Variants in SVOP observed in about 807,000 individuals in gnomAD.
The protein encoded by SVOP is SV2 related protein.
SVOP carries 17 observed loss-of-function variants against 69.1 expected under a neutral mutation model. That is an observed-to-expected ratio of 0.25 (90% CI 0.17 to 0.37). SVOP has a LOEUF of 0.37. Among genes scored for constraint, SVOP ranks in the 10% least tolerant of loss-of-function variants. SVOP has a pLI of 1.00. For missense variants in SVOP, 435 were observed against 597.5 expected (o/e 0.73, Z 2.84); for synonymous variants, 238 against 238.6 (o/e 1.00, Z 0.02).
At chr12:109,006,541 G>C (rs1023335457) in intron 1 of SVOP, among the ~76,000 whole-genome samples, 3 of 152,172 alleles carry the variant, frequency 2.0e-5, no homozygotes, top group Non-Finnish European at 2.9e-5. Context: ...GGTATAGGGG[G>C]AGAACGTGAC....
In SVOP at chr12:108,972,444, C is replaced by A. The variant is rs993025752; in HGVS notation, c.414G>T (p.Thr138=). 1 of 1,537,140 alleles carries A rather than the reference C, an allele frequency of 6.5e-7. No homozygotes were observed. Among genetic ancestry groups the A allele is most frequent in the East Asian group, 2.4e-5 (1 of 40,908 alleles). ...ACTGGTCTGAGATATTTCCCCAGAG[C>A]GTGGAGCTGGACATCATGCCTACAA... The part of the protein sequence containing the change: ...VVFVGMMSSS[T]LWGNISDQYG... Residue 138 remains threonine (T), a synonymous_variant, in exon 5 of 16, where the codon ACG becomes ACT. Coordinates refer to ENST00000610966, the MANE Select transcript of SVOP (RefSeq NM_018711.5).
chr12:108,932,032 A>G (rs1343445488), intron 11 of SVOP, among the ~76,000 whole-genome samples: 1 of 151,874 alleles, frequency 6.6e-6, no homozygotes, highest in Non-Finnish European at 1.5e-5. Flanking sequence ...TTTTTTTTAC[A>G]CACACAGAGT....
At chr12:109,000,113 A>T (rs1318096727) in intron 1 of SVOP, among the ~76,000 whole-genome samples, 1 of 152,224 alleles carries the variant, frequency 6.6e-6, no homozygotes, top group Non-Finnish European at 1.5e-5. Context: ...ACACAATAAA[A>T]AATGATAAAG....
At chr12:108,916,079 G>A (rs959867454) in intron 14 of SVOP, among the ~76,000 whole-genome samples, 3 of 152,168 alleles carry the variant, frequency 2.0e-5, no homozygotes, top group Admixed American at 6.5e-5. Flanking sequence ...CTGAGCTGCG[G>A]GTGGGAACCC....
chr12:109,006,061 G>A lies in SVOP; in HGVS notation c.35+14773C>T, dbSNP rs143761746. ...AAAGTGGGTTGTTTTGTTTTGTTTTGTTTTGTTTGAGAAAGAGTCTCACTC... is the reference window on the plus strand; with the variant it reads ...AAAGTGGGTTGTTTTGTTTTGTTTTATTTTGTTTGAGAAAGAGTCTCACTC... On this transcript the variant is annotated intron_variant, in intron 1 of 15. Transcript: ENST00000610966. Among the ~76,000 whole-genome samples, 74 of 152,166 alleles carry A rather than the reference G, an allele frequency of 4.9e-4. 3 individuals are homozygous for A. In the East Asian group the frequency reaches 8.9e-3, roughly 18 times the overall value.
chr12:108,931,832 C>CA (rs34806582), intron 11 of SVOP, among the ~76,000 whole-genome samples: 1,391 of 126,472 alleles, frequency 0.011, 9 homozygotes, highest in African/African-American at 0.023. Context: ...GACTCCGTCT[C>CA]AAAAAAAAAA....
At chr12:108,973,450 G>A (rs1288134786) in intron 4 of SVOP, among the ~76,000 whole-genome samples, 1 of 152,160 alleles carries the variant, frequency 6.6e-6, no homozygotes, top group Non-Finnish European at 1.5e-5. Context: ...GGAGTGCAGT[G>A]GTATGGTCAT....
intron 7 of SVOP, among the ~76,000 whole-genome samples, chr12:108,944,676 G>A (rs1245333687): frequency 1.3e-5 from 2 of 152,114 alleles, no homozygotes; most frequent in African/African-American, 4.8e-5. Context: ...GCTGGACCAC[G>A]AAAGTTTTAA....
intron 11 of SVOP, among the ~76,000 whole-genome samples, chr12:108,929,848 T>C (rs538236922): frequency 6.6e-6 from 1 of 152,356 alleles, no homozygotes; most frequent in African/African-American, 2.4e-5. Context: ...TTTTGGACAC[T>C]GACACATAGA....
chr12:108,975,350 A>G (rs993102131), intron 4 of SVOP, among the ~76,000 whole-genome samples: 1 of 152,172 alleles, frequency 6.6e-6, no homozygotes, highest in Non-Finnish European at 1.5e-5. Context: ...TAGAAAATTT[A>G]CCCATGAGAC....
chr12:108,924,444 A>G (rs987224412), intron 11 of SVOP, among the ~76,000 whole-genome samples: 1 of 152,184 alleles, frequency 6.6e-6, no homozygotes, highest in African/African-American at 2.4e-5. Context: ...CCAGTTGCTC[A>G]GGCAGAAAGC....
At chr12:108,940,931 C>A in intron 7 of SVOP, 22 bp from the exon 8 acceptor site, 1 of 1,535,104 alleles carries the variant, frequency 6.5e-7, no homozygotes, top group South Asian at 1.2e-5. Context: ...GAATCAGGGT[C>A]AGTGGTGGGG....
Position 108,983,744 on chromosome 12 carries a change from C to G in SVOP, c.53G>C (p.Arg18Pro). The G allele has an allele frequency of 2.5e-6, 1 of 398,766 alleles. No individual in the cohort carries two copies. 24.7% of individuals were successfully genotyped at this position (398,766 alleles called of 1,614,324 possible). A position where few individuals can be genotyped will look rare whatever the true frequency, so the allele number is the denominator to read the frequency against. Residue 18 changes from arginine (R) to proline (P), a missense_variant, in exon 2 of 16, where the codon CGC becomes CCC. By Grantham distance (103) the Arg-to-Pro change is moderately radical. Coordinates refer to ENST00000610966, the MANE Select transcript of SVOP (RefSeq NM_018711.5). ...CTCTGACCTTGCACTCTCGCCTGTG[C>G]GACGGAATTTCACAACCCTAGAGAA... ...LRQLPVVKFR[R>P]TGESARSEDD...
rs1053154943 is a variant in SVOP, at chr12:108,909,327, C to T, written c.*3208G>A. 2 of 151,990 alleles carry T rather than the reference C, an allele frequency of 1.3e-5. No individual in the cohort carries two copies. Among genetic ancestry groups the T allele is most frequent in the Admixed American group, 1.3e-4 (2 of 15,244 alleles). 9.4% of individuals were successfully genotyped at this position (151,990 alleles called of 1,614,324 possible). On this transcript the variant is annotated 3_prime_UTR_variant, in exon 16 of 16. Coordinates refer to ENST00000610966, the MANE Select transcript of SVOP (RefSeq NM_018711.5). Reference sequence around the variant, plus strand: ...GGTCAGGAGTTTGAGACCAGCCTGACCAACATGGTGAAACCTTGTCTATAC... The same window carrying T: ...GGTCAGGAGTTTGAGACCAGCCTGATCAACATGGTGAAACCTTGTCTATAC...
chr12:108,976,944 A>C (rs1317160964), intron 4 of SVOP, among the ~76,000 whole-genome samples: 1 of 152,212 alleles, frequency 6.6e-6, no homozygotes, highest in East Asian at 1.9e-4. Context: ...GTTGCTGCTG[A>C]TATCTCCCTG....
chr12:108,925,413 T>C (rs2039774396), intron 11 of SVOP, among the ~76,000 whole-genome samples: 1 of 152,108 alleles, frequency 6.6e-6, no homozygotes, highest in South Asian at 2.1e-4. Flanking sequence ...AAAATAACCT[T>C]CCAACTAGTC....
intron 15 of SVOP, among the ~76,000 whole-genome samples, chr12:108,914,743 G>C (rs1464162467): frequency 6.6e-6 from 1 of 151,734 alleles, no homozygotes; most frequent in Non-Finnish European, 1.5e-5. Context: ...TTTTAGTAGA[G>C]ATGGGGGTTT....
intron 11 of SVOP, among the ~76,000 whole-genome samples, chr12:108,928,434 T>C (rs10778667): frequency 0.66 from 100,865 of 151,840 alleles, 33,885 homozygotes; most frequent in East Asian, 0.78. Flanking sequence ...ATGCCAACCC[T>C]CAAATATGGC....
chr12:108,967,408 A>T (rs767339797), intron 5 of SVOP, among the ~76,000 whole-genome samples: 7 of 152,130 alleles, frequency 4.6e-5, no homozygotes, highest in Non-Finnish European at 1.0e-4. Context: ...CTGAAGCAGG[A>T]GAATCGCTTG....
Sources: gnomAD v4.1 joint callset for allele counts (sites outside exome capture counted in the v4.1 genomes callset) on GRCh38, gnomAD v4.1.1 for gene constraint, MANE v1.5 for transcripts, NCBI Gene and HGNC (gene_info 2026-07-23, HGNC 2026-07-21) for gene names.